Variants in PDSS2 observed in about 807,000 individuals in gnomAD.
PDSS2 encodes the protein decaprenyl diphosphate synthase subunit 2.
A neutral mutation model predicts 44.5 loss-of-function variants in PDSS2; 31 were observed. The ratio of observed to expected loss-of-function variants is 0.70; its 90% CI spans 0.52 to 0.94. The LOEUF (loss-of-function observed/expected upper bound fraction) is 0.94, where lower values mean the gene tolerates loss of function less well. Among genes scored for constraint, PDSS2 ranks in the 40% least tolerant of loss-of-function variants. PDSS2 has a pLI of 0.00. For synonymous variants in PDSS2, 157 were observed against 180.3 expected, an observed-to-expected ratio of 0.87 and a Z score of 1.03; for missense variants, 452 against 482.2, an observed-to-expected ratio of 0.94 and a Z score of 0.59.
At chr6:107,248,567 T>A (rs1054380869) in intron 3 of PDSS2, among the ~76,000 whole-genome samples, 2 of 151,184 alleles carry the variant, frequency 1.3e-5, no homozygotes, top group Non-Finnish European at 2.9e-5. Context: ...AGAATCTAGA[T>A]TCTATTCCAA....
chr6:107,186,177 TAATA>T (rs1562360327), intron 7 of PDSS2, among the ~76,000 whole-genome samples: 1 of 152,198 alleles, frequency 6.6e-6, no homozygotes, highest in Non-Finnish European at 1.5e-5. Flanking sequence ...TGTAATGAAT[TAATA>T]GTTGTCAAGT....
chr6:107,183,738 T>A (rs531051459), intron 7 of PDSS2, among the ~76,000 whole-genome samples: 5 of 152,028 alleles, frequency 3.3e-5, no homozygotes, highest in African/African-American at 9.6e-5. Context: ...TCTCTAAAAA[T>A]GCAAAAATTA....
At chr6:107,404,078 C>A (rs1780232315) in intron 1 of PDSS2, among the ~76,000 whole-genome samples, 1 of 152,146 alleles carries the variant, frequency 6.6e-6, no homozygotes, top group Non-Finnish European at 1.5e-5. Context: ...ATTTCTTCCA[C>A]CAGATACCCT....
intron 1 of PDSS2, among the ~76,000 whole-genome samples, chr6:107,402,509 T>C (rs865913606): frequency 7.8e-4 from 93 of 119,540 alleles, no homozygotes; most frequent in African/African-American, 2.9e-3. Flanking sequence ...TACATATATA[T>C]ACACACACAT....
At chr6:107,268,963 G>T (rs1173305589) in intron 3 of PDSS2, among the ~76,000 whole-genome samples, 1 of 150,562 alleles carries the variant, frequency 6.6e-6, no homozygotes, top group Non-Finnish European at 1.5e-5. Flanking sequence ...TTTCCATACG[G>T]AGTTTCGCTC....
chr6:107,222,849 T>C (rs561593778), intron 4 of PDSS2, among the ~76,000 whole-genome samples: 62 of 152,048 alleles, frequency 4.1e-4, no homozygotes, highest in Middle Eastern at 3.4e-3. Context: ...CTCATACCTG[T>C]AATCTAAGCA....
At chr6:107,400,999 GC>G in intron 1 of PDSS2, among the ~76,000 whole-genome samples, 1 of 152,182 alleles carries the variant, frequency 6.6e-6, no homozygotes, top group Non-Finnish European at 1.5e-5. Context: ...CTAATCCATA[GC>G]CCAGCCCGTT....
intron 1 of PDSS2, among the ~76,000 whole-genome samples, chr6:107,370,528 G>A (rs1355844987): frequency 6.6e-6 from 1 of 152,206 alleles, no homozygotes; most frequent in East Asian, 1.9e-4. Flanking sequence ...CAAAAATAGT[G>A]TGGTATGGTT....
chr6:107,367,966 T>C (rs1007921066), intron 1 of PDSS2, among the ~76,000 whole-genome samples: 2 of 151,886 alleles, frequency 1.3e-5, no homozygotes, highest in East Asian at 3.9e-4. Context: ...ATGATTGATA[T>C]ATTAAAAAAC....
intron 1 of PDSS2, among the ~76,000 whole-genome samples, chr6:107,396,907 G>T (rs1779965907): frequency 6.6e-6 from 1 of 151,786 alleles, no homozygotes; most frequent in Non-Finnish European, 1.5e-5. Context: ...TACCCAGGCT[G>T]GTCCTGAACT....
intron 4 of PDSS2, among the ~76,000 whole-genome samples, chr6:107,216,360 C>G (rs973241544): frequency 4.0e-5 from 6 of 151,782 alleles, no homozygotes; most frequent in African/African-American, 1.5e-4. Flanking sequence ...GTAGTACCAG[C>G]TACTTGGGAG....
At chr6:107,418,035 A>G (rs1210132275) in intron 1 of PDSS2, among the ~76,000 whole-genome samples, 3 of 152,202 alleles carry the variant, frequency 2.0e-5, no homozygotes, top group East Asian at 1.9e-4. Context: ...ATTAAAAAAG[A>G]CTAGGAAGGA....
intron 7 of PDSS2, among the ~76,000 whole-genome samples, chr6:107,179,045 C>T (rs966523667): frequency 2.0e-5 from 3 of 152,140 alleles, no homozygotes; most frequent in African/African-American, 4.8e-5. Flanking sequence ...AAACAGTGTA[C>T]GCTGCAAAGC....
chr6:107,404,172 G>A (rs1204787576), intron 1 of PDSS2, among the ~76,000 whole-genome samples: 4 of 152,134 alleles, frequency 2.6e-5, no homozygotes, highest in Non-Finnish European at 5.9e-5. Flanking sequence ...AGCACAACAA[G>A]AGTCACCTTC....
rs147287460 is a variant in PDSS2, at chr6:107,459,045, C to A, written c.241G>T (p.Ala81Ser). ...CLLSDELSNIAMQVRKLVGTQ... is the reference protein window; with the variant it reads ...CLLSDELSNISMQVRKLVGTQ... ...CCCACCAGCTTCCGCACCTGCATAG[C>A]GATGTTGCTGAGCTCGTCGCTCAGC... Residue 81 changes from alanine to serine, a missense_variant, in exon 1 of 8, where the codon GCT becomes TCT. Ala to Ser is a moderately conservative substitution (Grantham distance 99). Coordinates refer to ENST00000369037, the MANE Select transcript of PDSS2 (RefSeq NM_020381.4). The surrounding 1 kb of genome is among the most constrained non-coding windows in gnomAD (Gnocchi z 4.3). 7 of 1,614,002 alleles carry A rather than the reference C, an allele frequency of 4.3e-6. No individual in the cohort carries two copies. The African/African-American group carries it at 5.3e-5, about 12-fold the overall frequency.
At chr6:107,347,498 C>G (rs895843757) in intron 1 of PDSS2, among the ~76,000 whole-genome samples, 5 of 151,938 alleles carry the variant, frequency 3.3e-5, no homozygotes, top group Admixed American at 1.3e-4. Context: ...CTCCTGACCT[C>G]GTGATCTGCT....
chr6:107,265,136 T>C (rs563998263), intron 3 of PDSS2, among the ~76,000 whole-genome samples: 1 of 152,312 alleles, frequency 6.6e-6, no homozygotes, highest in Non-Finnish European at 1.5e-5. Context: ...TACTTGAAGA[T>C]ATTTAAAAAT....
intron 7 of PDSS2, among the ~76,000 whole-genome samples, chr6:107,175,098 G>C (rs1296800688): frequency 6.6e-6 from 1 of 151,974 alleles, no homozygotes; most frequent in African/African-American, 2.4e-5. Flanking sequence ...TGTAATCCCA[G>C]CTACTCGGGA....
chr6:107,205,369 T>G (rs1420619245), intron 6 of PDSS2, among the ~76,000 whole-genome samples: 1 of 152,174 alleles, frequency 6.6e-6, no homozygotes, highest in East Asian at 1.9e-4. Context: ...AGCAGAAAAC[T>G]AGAAGGATCA....
Sources: allele counts gnomAD v4.1 joint callset (sites outside exome capture counted in the v4.1 genomes callset), GRCh38; gene constraint gnomAD v4.1.1; non-coding constraint Gnocchi (gnomAD v3.1); transcripts MANE v1.5; gene names NCBI Gene and HGNC (gene_info 2026-07-23, HGNC 2026-07-21).